Variants in MTRFR observed in about 807,000 individuals in gnomAD.
MTRFR encodes probable peptide chain release factor C12orf65, mitochondrial.
MTRFR carries 10 observed loss-of-function variants against 11.9 expected under a neutral mutation model. That is an observed-to-expected ratio of 0.84 (90% CI 0.52 to 1.42). The LOEUF (loss-of-function observed/expected upper bound fraction) is 1.42, where lower values mean the gene tolerates loss of function less well. MTRFR is among the 40% of genes most tolerant of loss of function. The pLI is 0.00. For missense variants in MTRFR, 196 were observed against 197.9 expected, an observed-to-expected ratio of 0.99 and a Z score of 0.06; for synonymous variants, 77 against 79.1, an observed-to-expected ratio of 0.97 and a Z score of 0.14.
intron 1 of MTRFR, among the ~76,000 whole-genome samples, chr12:123,252,950 G>A (rs530525033): frequency 2.0e-5 from 3 of 151,660 alleles, no homozygotes; most frequent in Admixed American, 6.6e-5. Flanking sequence ...CTCTCATACT[G>A]TCATCTTTAC....
rs139344656 is a variant in MTRFR, at chr12:123,246,331, A to G, written c.-28-7316A>G. Among the ~76,000 whole-genome samples the G allele has an allele frequency of 6.4e-3, 976 of 152,166 alleles. 13 individuals are homozygous for G. Among genetic ancestry groups the G allele is most frequent in the African/African-American group, 0.023 (941 of 41,510 alleles). The stretch of plus-strand genomic sequence containing the variant: ...GCCTCCCAAAGTGCTGAGCCACTGC[A>G]CCCAGCCTCAGTTTGAAGAATTTTT... On this transcript the variant is annotated intron_variant, in intron 1 of 2. Transcript: ENST00000253233.
chr12:123,244,411 A>G (rs1055046164), intron 1 of MTRFR, among the ~76,000 whole-genome samples: 1 of 151,998 alleles, frequency 6.6e-6, no homozygotes, highest in Non-Finnish European at 1.5e-5. Flanking sequence ...CAGCCTGGGC[A>G]GCAAGAGCGA....
chr12:123,235,217 A>G (rs2047825840), intron 1 of MTRFR, among the ~76,000 whole-genome samples: 1 of 152,234 alleles, frequency 6.6e-6, no homozygotes, highest in Non-Finnish European at 1.5e-5. Context: ...AGGTAGTAGT[A>G]TCTCCATTCT....
At chr12:123,243,531 A>G (rs2047981015) in intron 1 of MTRFR, among the ~76,000 whole-genome samples, 1 of 18,194 alleles carries the variant, frequency 5.5e-5, no homozygotes, top group African/African-American at 5.7e-5. Flanking sequence ...CTCCGTCTCA[A>G]AAAAAAAAAA....
At chr12:123,252,585 T>A (rs1240547479) in intron 1 of MTRFR, 1 of 150,140 alleles carries the variant, frequency 6.7e-6, no homozygotes, top group East Asian at 2.0e-4. Context: ...TTGATAGTGA[T>A]GTTTACTATG....
At chr12:123,251,804 T>C (rs780904288) in intron 1 of MTRFR, among the ~76,000 whole-genome samples, 11 of 152,212 alleles carry the variant, frequency 7.2e-5, no homozygotes, top group Non-Finnish European at 1.2e-4. Flanking sequence ...TGCAAGCCTC[T>C]GCATGCTGCT....
chr12:123,234,066 T>G (rs1593267219), intron 1 of MTRFR: 1 of 152,742 alleles, frequency 6.5e-6, no homozygotes, highest in Admixed American at 6.5e-5. Context: ...CCTCCCAAAG[T>G]GCTGGGATCA....
chr12:123,241,993 C>CT (rs2047946480), intron 1 of MTRFR, among the ~76,000 whole-genome samples: 1 of 152,222 alleles, frequency 6.6e-6, no homozygotes, highest in Admixed American at 6.5e-5. Flanking sequence ...CCATCCTCAG[C>CT]TATCACATGT....
chr12:123,245,216 G>A (rs545463000), intron 1 of MTRFR, among the ~76,000 whole-genome samples: 5 of 152,148 alleles, frequency 3.3e-5, no homozygotes, highest in South Asian at 2.1e-4. Context: ...GATTACAGGC[G>A]TGAGCCACCA....
intron 1 of MTRFR, among the ~76,000 whole-genome samples, chr12:123,242,009 G>C (rs2047947118): frequency 6.6e-6 from 1 of 152,174 alleles, no homozygotes; most frequent in Non-Finnish European, 1.5e-5. Flanking sequence ...CATGTATCCT[G>C]TTTGTGCTTG....
intron 1 of MTRFR, among the ~76,000 whole-genome samples, chr12:123,234,142 C>T (rs1405005555): frequency 6.6e-6 from 1 of 152,136 alleles, no homozygotes; most frequent in Non-Finnish European, 1.5e-5. Flanking sequence ...CCCCGTGGGA[C>T]CCCAGCCCAT....
In MTRFR at chr12:123,253,941, A is replaced by G. The variant is rs778296443; in HGVS notation, c.267A>G (p.Ser89=). The change falls in exon 2 of 3, where the codon TCA becomes TCG. Residue 89 remains serine, a synonymous_variant. Transcript: ENST00000253233. The part of the protein sequence containing the change: ...SNCVVLKHIP[S]GIVVKCHQTR... ...GCGTGGTGCTGAAGCACATCCCCTC[A>G]GGCATCGTTGTAAAGGTAGATCACA... is the stretch of plus-strand genomic sequence containing the variant. The G allele has an allele frequency of 6.2e-6, 10 of 1,614,178 alleles. No homozygotes were observed. Among genetic ancestry groups the G allele is most frequent in the South Asian group, 5.5e-5 (5 of 91,078 alleles).
At chr12:123,248,931 A>G (rs2048079159) in intron 1 of MTRFR, 1 of 151,072 alleles carries the variant, frequency 6.6e-6, no homozygotes, top group Non-Finnish European at 1.5e-5. Context: ...TCCTTTAGCT[A>G]GACACAAAAG....
rs2048190954 is a variant in MTRFR at position 123,257,041 on chromosome 12, TAG to T, written c.*14_*15del. The T allele has an allele frequency of 3.1e-6, 5 of 1,600,268 alleles. No individual in the cohort carries two copies. The highest frequency in any genetic ancestry group is 3.3e-5 in the Admixed American group (2 of 59,802). On this transcript the variant is annotated 3_prime_UTR_variant, in exon 3 of 3. Coordinates refer to ENST00000253233, the MANE Select transcript of MTRFR (RefSeq NM_152269.5). The stretch of plus-strand genomic sequence containing the variant: ...TAAAAAGGTCCACTGAGAAAAGAAT[TAG>T]AGATTCCAACTGACAGAATCTGCCA...
chr12:123,243,086 A>T (rs1565993086), intron 1 of MTRFR, among the ~76,000 whole-genome samples: 1 of 152,214 alleles, frequency 6.6e-6, no homozygotes, highest in African/African-American at 2.4e-5. Context: ...TTTATCATTT[A>T]TCTTTTTCTA....
chr12:123,249,469 G>A (rs951907915), intron 1 of MTRFR: 1 of 152,596 alleles, frequency 6.6e-6, no homozygotes, highest in African/African-American at 2.4e-5. Flanking sequence ...TGCTCCACGG[G>A]GAGGCAGCTG....
intron 1 of MTRFR, among the ~76,000 whole-genome samples, chr12:123,236,564 A>G (rs2138740207): frequency 6.6e-6 from 1 of 151,904 alleles, no homozygotes; most frequent in Non-Finnish European, 1.5e-5. Context: ...ACTGCACTCC[A>G]CTTGGGTGAC....
intron 2 of MTRFR, among the ~76,000 whole-genome samples, chr12:123,255,200 A>C (rs1017147858): frequency 6.6e-6 from 1 of 152,086 alleles, no homozygotes; most frequent in Admixed American, 6.6e-5. Flanking sequence ...AGGCTAAGTG[A>C]CCTGCCCAAG....
chr12:123,244,959 T>TTTTTTTTTC (rs1355776573), intron 1 of MTRFR, among the ~76,000 whole-genome samples: 1 of 96,234 alleles, frequency 1.0e-5, no homozygotes, highest in African/African-American at 3.1e-5. Context: ...TTTTTTTTTT[T>TTTTTTTTTC]TAGACAGAGT....
Sources: allele counts gnomAD v4.1 joint callset (sites outside exome capture counted in the v4.1 genomes callset), GRCh38; gene constraint gnomAD v4.1.1; transcripts MANE v1.5; gene names NCBI Gene and HGNC (gene_info 2026-07-23, HGNC 2026-07-21).